The following ALDH7A1 variants were observed in gnomAD, a reference collection of about 807,000 sequenced individuals.
ALDH7A1 encodes the protein aldehyde dehydrogenase 7 family member A1, also known as alpha-aminoadipic semialdehyde dehydrogenase.
Under a neutral mutation model 79.9 loss-of-function variants are expected in ALDH7A1, and 63 were observed. The ratio of observed to expected loss-of-function variants is 0.79; its 90% CI spans 0.64 to 0.97. ALDH7A1 has a LOEUF of 0.97. ALDH7A1 is among the 50% of genes least tolerant of loss of function. The pLI is 0.00. For missense variants in ALDH7A1, 627 were observed against 665.2 expected (o/e 0.94, Z 0.63); for synonymous variants, 240 against 231.2 (o/e 1.04, Z -0.34).
intron 14 of ALDH7A1, among the ~76,000 whole-genome samples, 193 bp downstream of exon 14, chr5:126,551,828 C>T (rs1750009976): frequency 6.6e-6 from 1 of 152,174 alleles, no homozygotes; most frequent in Non-Finnish European, 1.5e-5. Context: ...TCTGGTTTCC[C>T]TGGCAGCTAG....
At chr5:126,591,243 C>T (rs1313282800) in intron 3 of ALDH7A1, among the ~76,000 whole-genome samples, 1 of 152,134 alleles carries the variant, frequency 6.6e-6, no homozygotes, top group Non-Finnish European at 1.5e-5. Context: ...TTACCTAGCA[C>T]ACTGTTTACT....
At position 126,550,180 on chromosome 5, in the gene ALDH7A1, A is replaced by T. The variant is rs1749942797; in HGVS notation, c.1415+16T>A. The T allele has an allele frequency of 6.2e-7, 1 of 1,609,380 alleles. No individual in the cohort carries two copies. The highest frequency in any genetic ancestry group is 2.2e-5 in the East Asian group (1 of 44,860). On this transcript the variant is annotated intron_variant, in intron 15 of 17. Coordinates refer to ENST00000409134, the MANE Select transcript of ALDH7A1 (RefSeq NM_001182.5). ...AATCAGACTTATATAAATTTTCAAA[A>T]TAGACAAAGTTGTACCCAAGCCAGC...
chr5:126,561,014 T>A (rs1356059156), intron 10 of ALDH7A1, 69 bp downstream of exon 10: 1 of 1,539,712 alleles, frequency 6.5e-7, no homozygotes, highest in African/African-American at 1.4e-5. Context: ...CCAAACAAGT[T>A]CCATATATTC....
chr5:126,582,288 C>G (rs1751204270), intron 5 of ALDH7A1: 2 of 394,286 alleles, frequency 5.1e-6, no homozygotes, highest in Non-Finnish European at 8.9e-6. Flanking sequence ...TGATATGAAT[C>G]TATCGTTTCT....
chr5:126,571,261 T>A (rs1365919084), intron 7 of ALDH7A1: 2 of 266,096 alleles, frequency 7.5e-6, no homozygotes, highest in African/African-American at 2.3e-5. Context: ...GTGGATCACT[T>A]GAGGTGAGGA....
chr5:126,590,228 C>A (rs1218603197), intron 3 of ALDH7A1, among the ~76,000 whole-genome samples: 1 of 151,968 alleles, frequency 6.6e-6, no homozygotes, highest in Non-Finnish European at 1.5e-5. Context: ...AGCGCCTCTG[C>A]CCGGCCGCTG....
chr5:126,551,031 G>A (rs1749980513), intron 14 of ALDH7A1, among the ~76,000 whole-genome samples: 1 of 152,260 alleles, frequency 6.6e-6, no homozygotes, highest in East Asian at 1.9e-4. Context: ...TTAGAGACAG[G>A]ATCTCTTCCC....
At chr5:126,561,158 G>T in intron 9 of ALDH7A1, 34 bp from the exon 10 acceptor site, 2 of 1,535,772 alleles carry the variant, frequency 1.3e-6, no homozygotes, top group Non-Finnish European at 1.8e-6. Context: ...AAAAATTAAT[G>T]CCTACTTCCA....
chr5:126,559,379 G>T, intron 10 of ALDH7A1, 45 bp from the exon 11 acceptor site: 1 of 1,393,986 alleles, frequency 7.2e-7, no homozygotes, highest in Non-Finnish European at 1.0e-6. Flanking sequence ...AAAACAGGTA[G>T]ACAAGGTATT....
At chr5:126,548,919 A>C (rs1011365003) in intron 16 of ALDH7A1, among the ~76,000 whole-genome samples, 1 of 128,354 alleles carries the variant, frequency 7.8e-6, no homozygotes, top group African/African-American at 3.1e-5. Flanking sequence ...AAAAAAAAAA[A>C]ATTTAATTAG....
chr5:126,590,998 A>T (rs1284718046), intron 3 of ALDH7A1, among the ~76,000 whole-genome samples: 2 of 152,170 alleles, frequency 1.3e-5, no homozygotes. Context: ...ACAACTATGA[A>T]ATAAATACAT....
At position 126,556,002 on chromosome 5, in the gene ALDH7A1, C is replaced by T. The variant is rs141701364; in HGVS notation, c.1022G>A (p.Ser341Asn). ...TTARRLFIHE[S>N]IHDEVVNRLK... ...TCTGTTTACAACCTCATCATGGATG[C>T]TTTCATGTATAAACTAAACGAAAAA... Residue 341 changes from serine to asparagine, a missense_variant, in exon 12 of 18, where the codon AGC becomes AAC. Transcript: ENST00000409134. The T allele has an allele frequency of 8.4e-5, 135 of 1,612,796 alleles. No homozygotes were observed. Among genetic ancestry groups the T allele is most frequent in the Non-Finnish European group, 1.0e-4 (121 of 1,179,234 alleles).
intron 16 of ALDH7A1, 113 bp from the exon 17 acceptor site, chr5:126,546,512 C>T: frequency 1.1e-6 from 1 of 937,198 alleles, no homozygotes; most frequent in East Asian, 2.6e-5. Flanking sequence ...TGATTATTTA[C>T]TTTACATTTA....
At chr5:126,582,678 C>CT in intron 5 of ALDH7A1, 173 bp downstream of exon 5, 1 of 798,624 alleles carries the variant, frequency 1.3e-6, no homozygotes, top group South Asian at 1.8e-5. Context: ...GGTTCTTGAT[C>CT]TAACATTTTC....
chr5:126,554,078 A>G lies in ALDH7A1; in HGVS notation c.1200+209T>C, dbSNP rs531390607. 2.0e-5 allele frequency among the ~76,000 whole-genome samples: 3 copies of G among 152,350 alleles called. No homozygotes were observed. In the East Asian group the frequency reaches 5.8e-4, roughly 29 times the overall value. On this transcript the variant is annotated intron_variant, in intron 13 of 17. Transcript: ENST00000409134. The stretch of plus-strand genomic sequence containing the variant: ...AGCCAAGATTGCGCCACTGCACTCC[A>G]TCCTGGGCACAGAGTAAGACTCTGT...
chr5:126,559,625 G>A (rs111723295), intron 10 of ALDH7A1, among the ~76,000 whole-genome samples: 115 of 152,072 alleles, frequency 7.6e-4, no homozygotes, highest in African/African-American at 2.7e-3. Context: ...TAGCAATGGG[G>A]TGTCACCATG....
At chr5:126,545,986 G>A (rs757846712) in intron 17 of ALDH7A1, among the ~76,000 whole-genome samples, 17 of 151,882 alleles carry the variant, frequency 1.1e-4, no homozygotes, top group Non-Finnish European at 2.2e-4. Context: ...TGTGGCTCAC[G>A]CCTGTAATCT....
rs1270946991 is a variant in ALDH7A1, at chr5:126,592,803, AT to A, written c.247-75del. 7 of 1,436,234 alleles carry A rather than the reference AT, an allele frequency of 4.9e-6. No homozygotes were observed. The African/African-American group carries it at 9.9e-5, about 20-fold the overall frequency. 89.0% of individuals were successfully genotyped at this position (1,436,234 alleles called of 1,614,324 possible). A position where few individuals can be genotyped will look rare whatever the true frequency, so the allele number is the denominator to read the frequency against. On this transcript the variant is annotated intron_variant, in intron 2 of 17. Coordinates refer to ENST00000409134, the MANE Select transcript of ALDH7A1 (RefSeq NM_001182.5). ...TGATGATCTTCTAGAACACAAAAAT[AT>A]TTTCAGAAAAGAGTTGGGAAATCTC...
intron 8 of ALDH7A1, 129 bp downstream of exon 8, chr5:126,570,653 A>G (rs550617867): frequency 1.0e-5 from 9 of 901,112 alleles, no homozygotes; most frequent in Non-Finnish European, 1.7e-5. Flanking sequence ...CAAAGTCCAT[A>G]ATAATAATGA....
Sources: allele counts gnomAD v4.1 joint callset (sites outside exome capture counted in the v4.1 genomes callset), GRCh38; gene constraint gnomAD v4.1.1; transcripts MANE v1.5; gene names NCBI Gene and HGNC (gene_info 2026-07-23, HGNC 2026-07-21).